XRCC4: variants seen among roughly 807,000 people sequenced by gnomAD.
XRCC4 encodes X-ray repair cross complementing 4.
Under a neutral mutation model 39.1 loss-of-function variants are expected in XRCC4, and 28 were observed. The ratio of observed to expected loss-of-function variants is 0.72; its 90% confidence interval spans 0.53 to 0.98. The LOEUF is 0.98. Among genes scored for constraint, XRCC4 ranks in the 50% least tolerant of loss-of-function variants. The pLI, the probability that XRCC4 is intolerant of heterozygous loss-of-function variation, is 0.00. For missense variants in XRCC4, 350 were observed against 376.4 expected (o/e 0.93, Z 0.58); for synonymous variants, 123 against 126.4 (o/e 0.97, Z 0.18).
intron 7 of XRCC4, among the ~76,000 whole-genome samples, chr5:83,312,680 C>CT (rs1269416191): frequency 6.6e-6 from 1 of 152,004 alleles, no homozygotes; most frequent in Non-Finnish European, 1.5e-5. Flanking sequence ...GAGGCTTTCT[C>CT]TGAGAGGAGA....
At chr5:83,216,171 C>A (rs1341913531) in intron 6 of XRCC4, among the ~76,000 whole-genome samples, 1 of 152,092 alleles carries the variant, frequency 6.6e-6, no homozygotes, top group Non-Finnish European at 1.5e-5. Context: ...ATAGGCATTT[C>A]ATTGAAGAAG....
chr5:83,261,332 A>G (rs537599301), intron 7 of XRCC4, among the ~76,000 whole-genome samples: 2 of 152,140 alleles, frequency 1.3e-5, no homozygotes, highest in South Asian at 2.1e-4. Context: ...ACAGCTTGTC[A>G]TCAAAAACAT....
intron 7 of XRCC4, among the ~76,000 whole-genome samples, chr5:83,322,715 G>T (rs1455269586): frequency 6.6e-6 from 1 of 152,162 alleles, no homozygotes; most frequent in Non-Finnish European, 1.5e-5. Flanking sequence ...GACATTGGAG[G>T]CAGAGATTGG....
intron 7 of XRCC4, among the ~76,000 whole-genome samples, chr5:83,282,468 A>G (rs191078792): frequency 1.1e-4 from 16 of 152,242 alleles, no homozygotes; most frequent in Admixed American, 9.8e-4. Context: ...CACTTCAATC[A>G]GAGTAGTTTC....
chr5:83,333,124 A>T (rs1756489415), intron 7 of XRCC4, among the ~76,000 whole-genome samples: 1 of 152,140 alleles, frequency 6.6e-6, no homozygotes, highest in Admixed American at 6.6e-5. Context: ...TTGAAAAAAA[A>T]AATACTTGGA....
chr5:83,148,529 A>G (rs900275586), intron 3 of XRCC4, among the ~76,000 whole-genome samples: 1 of 152,178 alleles, frequency 6.6e-6, no homozygotes, highest in East Asian at 1.9e-4. Flanking sequence ...GATTACTTCC[A>G]TTGCTCACTA....
rs571283017 is a variant in XRCC4 at position 83,102,007 on chromosome 5, A to G, written c.-10-2903A>G. Among the ~76,000 whole-genome samples the G allele has an allele frequency of 1.3e-4, 19 of 150,900 alleles. No homozygotes were observed. In the South Asian group the frequency reaches 4.0e-3, roughly 32 times the overall value. On this transcript the variant is annotated intron_variant, in intron 1 of 7. Coordinates refer to ENST00000396027, the MANE Select transcript of XRCC4 (RefSeq NM_003401.5). ...AACTCAAATAGGAATTTTTAGAATG[A>G]TGTAGCTGCCAAAAACATAACAAAA... is the stretch of plus-strand genomic sequence containing the variant.
At chr5:83,368,980 T>C in the XRCC4 span, among the ~76,000 whole-genome samples, 1 of 152,182 alleles carries the variant, frequency 6.6e-6, no homozygotes, top group East Asian at 1.9e-4. Context: ...GAAATTCTTT[T>C]ATTTTTGTCT....
chr5:83,195,364 T>C (rs1244833736), intron 3 of XRCC4, among the ~76,000 whole-genome samples: 1 of 152,154 alleles, frequency 6.6e-6, no homozygotes, highest in Non-Finnish European at 1.5e-5. Context: ...CAACAAAAGG[T>C]CAGTTATTCC....
intron 6 of XRCC4, among the ~76,000 whole-genome samples, chr5:83,246,372 C>T (rs1188613915): frequency 1.3e-5 from 2 of 152,042 alleles, no homozygotes; most frequent in Non-Finnish European, 2.9e-5. Context: ...ATGTGTTAGG[C>T]TTTGAATTCA....
chr5:83,249,958 G>C (rs1753246897), intron 6 of XRCC4, among the ~76,000 whole-genome samples: 1 of 151,986 alleles, frequency 6.6e-6, no homozygotes, highest in African/African-American at 2.4e-5. Flanking sequence ...TTCAATGAAA[G>C]CCTCTCTAAG....
chr5:83,290,119 T>C (rs1254070126), intron 7 of XRCC4, among the ~76,000 whole-genome samples: 2 of 151,870 alleles, frequency 1.3e-5, no homozygotes, highest in African/African-American at 4.8e-5. Context: ...TCTCTCGATT[T>C]GTCTTTCTCC....
the XRCC4 span, among the ~76,000 whole-genome samples, chr5:83,366,378 A>G: frequency 6.6e-6 from 1 of 152,136 alleles, no homozygotes; most frequent in East Asian, 1.9e-4. Flanking sequence ...CCCAACCTAC[A>G]TCCAATTCAT....
chr5:83,338,780 G>A (rs189837755), intron 7 of XRCC4, among the ~76,000 whole-genome samples: 43 of 152,254 alleles, frequency 2.8e-4, no homozygotes, highest in Admixed American at 1.6e-3. Flanking sequence ...GTGGGAAAAT[G>A]TATATAGTGT....
intron 7 of XRCC4, among the ~76,000 whole-genome samples, chr5:83,312,758 A>G (rs1755748699): frequency 6.6e-6 from 1 of 152,136 alleles, no homozygotes. Flanking sequence ...GAATGTGTTC[A>G]TATGTGTGAT....
intron 3 of XRCC4, among the ~76,000 whole-genome samples, chr5:83,165,677 C>T (rs1433616978): frequency 6.6e-6 from 1 of 151,984 alleles, no homozygotes; most frequent in Non-Finnish European, 1.5e-5. Flanking sequence ...GTTGTTCCCC[C>T]ACCACGTGTC....
chr5:83,140,958 T>TA (rs1748142356), intron 3 of XRCC4, among the ~76,000 whole-genome samples: 1 of 152,246 alleles, frequency 6.6e-6, no homozygotes, highest in African/African-American at 2.4e-5. Flanking sequence ...CCCTTTTATG[T>TA]AGCCAAGCTC....
intron 3 of XRCC4, among the ~76,000 whole-genome samples, chr5:83,126,598 G>A (rs1169325152): frequency 6.6e-6 from 1 of 152,260 alleles, no homozygotes; most frequent in Middle Eastern, 3.4e-3. Context: ...GAACTGTGGG[G>A]TATAAGCTGC....
At chr5:83,252,624 A>G (rs1753367979) in intron 6 of XRCC4, among the ~76,000 whole-genome samples, 1 of 152,160 alleles carries the variant, frequency 6.6e-6, no homozygotes, top group Admixed American at 6.5e-5. Context: ...ACATTGATTT[A>G]TAATCAATTT....
Sources: allele counts gnomAD v4.1 joint callset (sites outside exome capture counted in the v4.1 genomes callset), GRCh38; gene constraint gnomAD v4.1.1; transcripts MANE v1.5; gene names NCBI Gene and HGNC (gene_info 2026-07-23, HGNC 2026-07-21).